Variants in USP6NL observed in about 807,000 individuals in gnomAD.
USP6NL encodes USP6 N-terminal like.
In USP6NL, 26 loss-of-function variants were observed where a neutral mutation model predicts 61.9. That is an observed-to-expected ratio of 0.42 (90% CI 0.31 to 0.58). The LOEUF (loss-of-function observed/expected upper bound fraction) is 0.58, where lower values mean the gene tolerates loss of function less well. Ranked by LOEUF, USP6NL falls within the 20% of genes least tolerant of loss-of-function variation. The pLI is 0.16. For missense variants in USP6NL, 1,114 were observed against 1,034.3 expected, an observed-to-expected ratio of 1.08 and a Z score of -1.06; for synonymous variants, 432 against 390.1, an observed-to-expected ratio of 1.11 and a Z score of -1.27.
chr10:11,506,928 T>G (rs1042620061), intron 6 of USP6NL, among the ~76,000 whole-genome samples: 4 of 152,200 alleles, frequency 2.6e-5, no homozygotes, highest in African/African-American at 9.6e-5. Context: ...GAATGCAATT[T>G]AAAACTAGGT....
chr10:11,553,716 T>G lies in USP6NL; in HGVS notation c.5-26149A>C, dbSNP rs987831829. ...TAAGAGACCAGCCTGACCAACATGA[T>G]GAAACCCCGTCTCTACTAAAAATAC... On this transcript the variant is annotated intron_variant, in intron 2 of 14. Transcript: ENST00000609104. This position sits in a 1 kb window ranked among gnomAD's most constrained non-coding sequence, Gnocchi z 4.8. Among the ~76,000 whole-genome samples, 2 of 151,976 alleles carry G rather than the reference T, an allele frequency of 1.3e-5. No homozygotes were observed. Among genetic ancestry groups the G allele is most frequent in the African/African-American group, 4.8e-5 (2 of 41,362 alleles).
At chr10:11,492,926 C>T (rs1159290151) in intron 8 of USP6NL, among the ~76,000 whole-genome samples, 193 bp downstream of exon 8, 3 of 152,164 alleles carry the variant, frequency 2.0e-5, no homozygotes, top group East Asian at 3.9e-4. Context: ...ATAGCACGTG[C>T]TATATCAAAG....
rs1169163839 is a variant in USP6NL at position 11,562,998 on chromosome 10, A to G, written c.4+34633T>C. On this transcript the variant is annotated intron_variant, in intron 2 of 14. Coordinates refer to ENST00000609104, the MANE Select transcript of USP6NL (RefSeq NM_014688.5). This position sits in a 1 kb window ranked among gnomAD's most constrained non-coding sequence, Gnocchi z 4.8. ...TAGCTTTATTTGTAATAGTAAAAAA[A>G]ATAAAAAATAAAATAAAATAAATAA... Among the ~76,000 whole-genome samples the G allele has an allele frequency of 6.6e-6, 1 of 151,814 alleles. No homozygotes were observed. The highest frequency in any genetic ancestry group is 1.5e-5 in the Non-Finnish European group (1 of 67,970).
Position 11,540,592 on chromosome 10 carries a change from A to G in USP6NL, c.5-13025T>C, listed in dbSNP as rs17150544. Among the ~76,000 whole-genome samples the G allele has an allele frequency of 4.1e-4, 62 of 152,336 alleles. 1 individual carries two copies. The South Asian group carries it at 0.01, about 25-fold the overall frequency. On this transcript the variant is annotated intron_variant, in intron 2 of 14. Transcript: ENST00000609104. This position sits in a 1 kb window ranked among gnomAD's most constrained non-coding sequence, Gnocchi z 5.0. ...TTGAATTTGGCCCATAGGTATTAAC[A>G]AGAAATGTTCTAATTACAGCAAATT...
chr10:11,591,909 G>T lies in USP6NL; in HGVS notation c.4+5722C>A, dbSNP rs192064167. Among the ~76,000 whole-genome samples, 8 of 152,048 alleles carry T rather than the reference G, an allele frequency of 5.3e-5. No homozygotes were observed. Among genetic ancestry groups the T allele is most frequent in the African/African-American group, 1.9e-4 (8 of 41,396 alleles). On this transcript the variant is annotated intron_variant, in intron 2 of 14. Transcript: ENST00000609104. The surrounding 1 kb of genome is among the most constrained non-coding windows in gnomAD (Gnocchi z 4.7). ...ATTTTTGAGACAGTCTCACTCTGTC[G>T]CCTGGGCTGGAGTGCAGTGGCTCAA...
chr10:11,602,493 A>C lies in USP6NL; in HGVS notation c.-83-4776T>G, dbSNP rs1257774022. 6.6e-6 allele frequency among the ~76,000 whole-genome samples: 1 copy of C among 152,200 alleles called. No individual in the cohort carries two copies. Among genetic ancestry groups the C allele is most frequent in the Non-Finnish European group, 1.5e-5 (1 of 68,022 alleles). ...TTATGAGCCAGGCAGTGTACTAGGC[A>C]CCGCAGACACTGCCAAGAACAAAGC... On this transcript the variant is annotated intron_variant, in intron 1 of 14. Transcript: ENST00000609104. This position sits in a 1 kb window ranked among gnomAD's most constrained non-coding sequence, Gnocchi z 4.8.
intron 2 of USP6NL, chr10:11,564,269 T>G (rs1454552824): frequency 2.0e-5 from 3 of 152,208 alleles, no homozygotes; most frequent in African/African-American, 7.2e-5. Context: ...TTAAATTATA[T>G]CAAGATAGTG....
In USP6NL at chr10:11,532,164, T is replaced by C; in HGVS notation, c.5-4597A>G. On this transcript the variant is annotated intron_variant, in intron 2 of 14. Transcript: ENST00000609104. The surrounding 1 kb of genome is among the most constrained non-coding windows in gnomAD (Gnocchi z 4.1). The stretch of plus-strand genomic sequence containing the variant: ...TTAAAAATATAAACAACATCAATTT[T>C]AAAAGTACTTTACCCTTTGTGAGAT... 6.4e-7 allele frequency: 1 copy of C among 1,555,228 alleles called. No homozygotes were observed. Among genetic ancestry groups the C allele is most frequent in the Non-Finnish European group, 8.8e-7 (1 of 1,140,590 alleles).
chr10:11,513,984 C>A lies in USP6NL; in HGVS notation c.196-4309G>T, dbSNP rs746202204. Among the ~76,000 whole-genome samples the A allele has an allele frequency of 6.6e-6, 1 of 152,178 alleles. No individual in the cohort carries two copies. Among genetic ancestry groups the A allele is most frequent in the African/African-American group, 2.4e-5 (1 of 41,436 alleles). On this transcript the variant is annotated intron_variant, in intron 5 of 14. Transcript: ENST00000609104. This position sits in a 1 kb window ranked among gnomAD's most constrained non-coding sequence, Gnocchi z 4.7. ...CTGGATTTCAGCAGGATTATCACCC[C>A]ATTATGTTGTCTTTCCCAGCACATC...
intron 14 of USP6NL, among the ~76,000 whole-genome samples, chr10:11,471,763 G>A (rs1393377834): frequency 6.7e-6 from 1 of 149,486 alleles, no homozygotes; most frequent in Non-Finnish European, 1.5e-5. Context: ...ACTCACAGGT[G>A]GGAACTGAAC....
intron 5 of USP6NL, 36 bp from the exon 6 acceptor site, chr10:11,509,711 C>T (rs959743567): frequency 2.1e-5 from 32 of 1,489,946 alleles, no homozygotes; most frequent in Non-Finnish European, 2.6e-5. Flanking sequence ...TATTGTTGTT[C>T]GTTTCTTTAC....
chr10:11,462,867 G>A lies in USP6NL; in HGVS notation c.2061C>T (p.Arg687=), dbSNP rs768426071. 29 of 1,613,908 alleles carry A rather than the reference G, an allele frequency of 1.8e-5. No individual in the cohort carries two copies. Among genetic ancestry groups the A allele is most frequent in the East Asian group, 1.1e-4 (5 of 44,888 alleles). ...VSASPEKSYS[R]PSPLVLPSSR... is the part of the protein sequence containing the mutation. The stretch of plus-strand genomic sequence containing the variant: ...TAGACGGCAGTACAAGGGGGCTTGG[G>A]CGGCTGTAAGATTTCTCCGGAGAAG... Residue 687 remains arginine (R), a synonymous_variant, in exon 15 of 15, where the codon CGC becomes CGT. Transcript: ENST00000609104.
At chr10:11,582,478 CAATAT>C (rs1393282836) in intron 2 of USP6NL, among the ~76,000 whole-genome samples, 1 of 152,182 alleles carries the variant, frequency 6.6e-6, no homozygotes, top group African/African-American at 2.4e-5. Flanking sequence ...CAAACTTCTA[CAATAT>C]AAATTACAGC....
Position 11,562,320 on chromosome 10 carries a change from T to C in USP6NL, c.5-34753A>G. On this transcript the variant is annotated intron_variant, in intron 2 of 14. Coordinates refer to ENST00000609104, the MANE Select transcript of USP6NL (RefSeq NM_014688.5). The surrounding 1 kb of genome is among the most constrained non-coding windows in gnomAD (Gnocchi z 4.8). ...CCCCCTGCAGCTAGCAGCAGCCATG[T>C]GACACAGTTCCGGCTGATGGCTTAA... The C allele has an allele frequency of 1.1e-6, 1 of 936,120 alleles. No homozygotes were observed. The highest frequency in any genetic ancestry group is 1.3e-6 in the Non-Finnish European group (1 of 784,830). The allele number at this position is 936,120 out of a possible 1,614,324, so 58.0% of individuals were successfully genotyped here.
In USP6NL at chr10:11,462,431, A is replaced by ACC. The variant is rs1376722693; in HGVS notation, c.*9_*10insGG. The ACC allele has an allele frequency of 6.2e-7, 1 of 1,608,684 alleles. No individual in the cohort carries two copies. On this transcript the variant is annotated 3_prime_UTR_variant, in exon 15 of 15. Coordinates refer to ENST00000609104, the MANE Select transcript of USP6NL (RefSeq NM_014688.5). ...TTTCTCTCTCGTCTTTAGCAAGTACACGTCAAATCTCACAGCAACACTGAC... is the reference window on the plus strand; with the variant it reads ...TTTCTCTCTCGTCTTTAGCAAGTACACCCGTCAAATCTCACAGCAACACTGAC...
chr10:11,530,565 A>G (rs1835619028), intron 2 of USP6NL, among the ~76,000 whole-genome samples: 2 of 152,220 alleles, frequency 1.3e-5, no homozygotes, highest in African/African-American at 4.8e-5. Flanking sequence ...AAATAAATAA[A>G]TTCTCAATCT....
chr10:11,610,456 T>C (rs2133700979), intron 1 of USP6NL, among the ~76,000 whole-genome samples: 1 of 152,280 alleles, frequency 6.6e-6, no homozygotes, highest in Non-Finnish European at 1.5e-5. Context: ...AGACTCAATA[T>C]AGGAGGGAGT....
chr10:11,462,166 C>G lies in USP6NL; in HGVS notation c.*275G>C, dbSNP rs920510939. 1.0e-5 allele frequency: 4 copies of G among 390,554 alleles called. No homozygotes were observed. Among genetic ancestry groups the G allele is most frequent in the Non-Finnish European group, 1.4e-5 (3 of 219,030 alleles). 24.2% of individuals were successfully genotyped at this position (390,554 alleles called of 1,614,324 possible). A position where few individuals can be genotyped will look rare whatever the true frequency, so the allele number is the denominator to read the frequency against. On this transcript the variant is annotated 3_prime_UTR_variant, in exon 15 of 15. Transcript: ENST00000609104. ...GTTTTGGAGAAAAACATAACCGGAA[C>G]TGAGTAATAAATTACCACTGTGCGT...
chr10:11,580,285 A>G (rs1203465146), intron 2 of USP6NL, among the ~76,000 whole-genome samples: 1 of 152,180 alleles, frequency 6.6e-6, no homozygotes, highest in African/African-American at 2.4e-5. Flanking sequence ...AAATTTCCTA[A>G]TTAGATAAAT....
Sources: gnomAD v4.1 joint callset for allele counts (sites outside exome capture counted in the v4.1 genomes callset) on GRCh38, gnomAD v4.1.1 for gene constraint, Gnocchi (gnomAD v3.1) non-coding constraint, MANE v1.5 for transcripts, NCBI Gene and HGNC (gene_info 2026-07-23, HGNC 2026-07-21) for gene names.